The following MRRF variants were observed in gnomAD, a reference collection of about 807,000 sequenced individuals.
MRRF encodes the protein mitochondrial ribosome recycling factor.
A neutral mutation model predicts 25.1 loss-of-function variants in MRRF; 18 were observed. That is an observed-to-expected ratio of 0.72 (90% confidence interval 0.50 to 1.06). The LOEUF (loss-of-function observed/expected upper bound fraction) is 1.06, where lower values mean the gene tolerates loss of function less well. Among genes scored for constraint, MRRF ranks in the 50% least tolerant of loss-of-function variants. The probability of loss-of-function intolerance (pLI) is 0.00; values close to 1 mark genes in which losing one functional copy is unlikely to be tolerated. For missense variants in MRRF, 323 were observed against 319.3 expected (o/e 1.01, Z -0.09); for synonymous variants, 113 against 112.1 (o/e 1.01, Z -0.05).
chr9:122,285,069 A>G, intron 3 of MRRF, 100 bp from the exon 4 acceptor site: 3 of 775,314 alleles, frequency 3.9e-6, no homozygotes, highest in Non-Finnish European at 6.8e-6. Flanking sequence ...GATAACAGGC[A>G]TGAGCCACTG....
At position 122,313,217 on chromosome 9, in the gene MRRF, C is replaced by A. The variant is rs757204051; in HGVS notation, c.552-10C>A. 46 of 1,613,488 alleles carry A rather than the reference C, an allele frequency of 2.9e-5. 1 individual carries two copies. In the South Asian group the frequency reaches 3.6e-4, roughly 13 times the overall value. ...AATGATTTTGTTGAATGTCTTTTGT[C>A]TTTTATCAGAGTAACCAGAGAGCAC... On this transcript the variant is annotated splice_polypyrimidine_tract_variant and intron_variant, in intron 5 of 6. Transcript: ENST00000344641.
rs551377064 is a variant in MRRF, at chr9:122,305,278, G to A, written c.552-7949G>A. ...ATACAAAAATTAGCCTGGTGTGGTG[G>A]CACGTGCCTATAGTCCCAGCTACTC... On this transcript the variant is annotated intron_variant, in intron 5 of 6. Coordinates refer to ENST00000344641, the MANE Select transcript of MRRF (RefSeq NM_138777.5). Among the ~76,000 whole-genome samples the A allele has an allele frequency of 4.5e-3, 679 of 151,946 alleles. 3 individuals carry two copies. The highest frequency in any genetic ancestry group is 8.0e-3 in the Non-Finnish European group (544 of 67,966).
chr9:122,304,441 G>T (rs1220154317), intron 5 of MRRF, among the ~76,000 whole-genome samples: 1 of 152,148 alleles, frequency 6.6e-6, no homozygotes, highest in Non-Finnish European at 1.5e-5. Flanking sequence ...CCTTCCCAGC[G>T]TAGATGTACC....
intron 5 of MRRF, among the ~76,000 whole-genome samples, chr9:122,307,131 C>T (rs975251443): frequency 6.6e-6 from 1 of 152,146 alleles, no homozygotes; most frequent in African/African-American, 2.4e-5. Context: ...AAAACATTTC[C>T]GTCAGGACCG....
chr9:122,276,767 A>G (rs1832798203), intron 2 of MRRF, among the ~76,000 whole-genome samples: 1 of 152,150 alleles, frequency 6.6e-6, no homozygotes, highest in East Asian at 1.9e-4. Context: ...AAATTGACTA[A>G]TTTTATTGAT....
chr9:122,303,649 C>T (rs1309858515), intron 5 of MRRF, among the ~76,000 whole-genome samples: 1 of 152,090 alleles, frequency 6.6e-6, no homozygotes, highest in East Asian at 1.9e-4. Flanking sequence ...AAGTTGTGTA[C>T]GTATTTTCAT....
chr9:122,294,345 A>G (rs1833956512), intron 5 of MRRF, among the ~76,000 whole-genome samples: 1 of 152,256 alleles, frequency 6.6e-6, no homozygotes, highest in Non-Finnish European at 1.5e-5. Context: ...GTAAATGATC[A>G]CTGTCGGTGC....
rs10985587 is a variant in MRRF at position 122,293,363 on chromosome 9, G to A, written c.551+1523G>A. Among the ~76,000 whole-genome samples, 777 of 152,236 alleles carry A rather than the reference G, an allele frequency of 5.1e-3. 11 individuals are homozygous for A. In the East Asian group the frequency reaches 0.056, roughly 11 times the overall value. On this transcript the variant is annotated intron_variant, in intron 5 of 6. Transcript: ENST00000344641. Reference sequence around the variant, plus strand: ...TGTGGAAATTTAGGCTCATGTCTTTGAAGCCACACAGCTTGTGCTGAAGCT... The same window carrying A: ...TGTGGAAATTTAGGCTCATGTCTTTAAAGCCACACAGCTTGTGCTGAAGCT...
chr9:122,305,965 G>A (rs188077427), intron 5 of MRRF, among the ~76,000 whole-genome samples: 55 of 152,214 alleles, frequency 3.6e-4, no homozygotes, highest in Non-Finnish European at 6.6e-4. Context: ...TAATATACTC[G>A]TAACAACTTT....
Position 122,322,560 on chromosome 9 carries a change from C to T in MRRF, c.732C>T (p.Asp244=), listed in dbSNP as rs776773386. ...IEKQISQMAD[D]TVAELDRHLA... ...TGCAGATCAGCCAAATGGCCGATGACACAGTGGCAGAACTGGACAGGCATC... is the reference window on the plus strand; with the variant it reads ...TGCAGATCAGCCAAATGGCCGATGATACAGTGGCAGAACTGGACAGGCATC... Residue 244 remains aspartate (D), a synonymous_variant, in exon 7 of 7, where the codon GAC becomes GAT. Transcript: ENST00000344641. The T allele has an allele frequency of 1.4e-5, 22 of 1,614,016 alleles. No individual in the cohort carries two copies. The highest frequency in any genetic ancestry group is 1.8e-5 in the Non-Finnish European group (21 of 1,180,034).
chr9:122,297,343 CT>C (rs1401309149), intron 5 of MRRF, among the ~76,000 whole-genome samples: 2 of 152,056 alleles, frequency 1.3e-5, no homozygotes, highest in Non-Finnish European at 2.9e-5. Context: ...TCCTTTTCTC[CT>C]TAGGGAACCA....
chr9:122,291,458 G>A (rs1833764157), intron 4 of MRRF, among the ~76,000 whole-genome samples: 1 of 152,124 alleles, frequency 6.6e-6, no homozygotes, highest in Admixed American at 6.5e-5. Context: ...TTGTGGTTTT[G>A]ATCTGTGTTG....
rs939350446 is a variant in MRRF, at chr9:122,331,289, G to A, written c.*8672G>A. The stretch of plus-strand genomic sequence containing the variant: ...ATTAACGGACTATTACCTATTCTTA[G>A]AGCTTTCTCTTTTGTTTTTGGCATT... On this transcript the variant is annotated 3_prime_UTR_variant, in exon 7 of 7. Transcript: ENST00000344641. 1 of 152,156 alleles carries A rather than the reference G, an allele frequency of 6.6e-6. No individual in the cohort carries two copies. The highest frequency in any genetic ancestry group is 1.5e-5 in the Non-Finnish European group (1 of 68,008). The allele number at this position is 152,156 out of a possible 1,614,324, so 9.4% of individuals were successfully genotyped here.
At chr9:122,279,030 G>A (rs558168048) in intron 2 of MRRF, among the ~76,000 whole-genome samples, 2 of 152,156 alleles carry the variant, frequency 1.3e-5, no homozygotes, top group African/African-American at 4.8e-5. Context: ...ACGCCACCAC[G>A]CCCAGCTAAT....
intron 4 of MRRF, chr9:122,286,106 T>G (rs759156150): frequency 2.4e-6 from 3 of 1,270,516 alleles, no homozygotes; most frequent in South Asian, 2.5e-5. Context: ...CAACTGGCTG[T>G]TTGACCTTGG....
chr9:122,325,067 TAAAC>T lies in MRRF; in HGVS notation c.*2452_*2455del, dbSNP rs980374331. The T allele has an allele frequency of 4.1e-4, 62 of 152,214 alleles. 3 individuals carry two copies. The highest frequency in any genetic ancestry group is 4.4e-5 in the Non-Finnish European group (3 of 68,032). The allele number at this position is 152,214 out of a possible 1,614,324, so 9.4% of individuals were successfully genotyped here. ...TTCTCAAAGATGCAGGATTTTTTAA[TAAAC>T]AGAGGAAATGATAAATTATGTTGTA... On this transcript the variant is annotated 3_prime_UTR_variant, in exon 7 of 7. Transcript: ENST00000344641.
At position 122,322,498 on chromosome 9, in the gene MRRF, C is replaced by G. The variant is rs371992831; in HGVS notation, c.712-42C>G. The G allele has an allele frequency of 2.0e-4, 310 of 1,566,958 alleles. 5 individuals carry two copies. In the South Asian group the frequency reaches 3.1e-3, roughly 16 times the overall value. On this transcript the variant is annotated intron_variant, in intron 6 of 6. Transcript: ENST00000344641. ...GGAATATTCATCCCCCTACCCTTTT[C>G]CAGCCCCATTAATCAGGCTGTCTCA...
At chr9:122,297,080 C>T (rs1588051492) in intron 5 of MRRF, among the ~76,000 whole-genome samples, 7 of 152,174 alleles carry the variant, frequency 4.6e-5, no homozygotes, top group Admixed American at 2.6e-4. Context: ...TTTGGGAGGC[C>T]GAGGCAGGCA....
At chr9:122,301,878 C>A (rs1834490701) in intron 5 of MRRF, among the ~76,000 whole-genome samples, 1 of 151,776 alleles carries the variant, frequency 6.6e-6, no homozygotes, top group African/African-American at 2.4e-5. Flanking sequence ...GGACTACAGA[C>A]ATGCACCACC....
Sources: allele counts gnomAD v4.1 joint callset (sites outside exome capture counted in the v4.1 genomes callset), GRCh38; gene constraint gnomAD v4.1.1; transcripts MANE v1.5; gene names NCBI Gene and HGNC (gene_info 2026-07-23, HGNC 2026-07-21).